The following HPR variants were observed in gnomAD, a reference collection of about 807,000 sequenced individuals.
HPR encodes the protein haptoglobin-related protein.
HPR carries 17 observed loss-of-function variants against 18.5 expected under a neutral mutation model. That is an observed-to-expected ratio of 0.92 (90% CI 0.63 to 1.38). The LOEUF (loss-of-function observed/expected upper bound fraction) is 1.38, where lower values mean the gene tolerates loss of function less well. HPR is among the 40% of genes most tolerant of loss of function. The pLI is 0.00. For synonymous variants in HPR, 176 were observed against 165.0 expected, an observed-to-expected ratio of 1.07 and a Z score of -0.51; for missense variants, 457 against 432.4, an observed-to-expected ratio of 1.06 and a Z score of -0.51.
intron 1 of HPR, 36 bp from the exon 2 acceptor site, chr16:72,073,856 A>C (rs1225511396): frequency 1.9e-6 from 3 of 1,613,208 alleles, no homozygotes; most frequent in Non-Finnish European, 2.5e-6. Context: ...AAGCAGGGAG[A>C]CCAGCTTTCC....
intron 1 of HPR, among the ~76,000 whole-genome samples, chr16:72,070,031 A>G (rs1414567069): frequency 6.6e-6 from 1 of 152,220 alleles, no homozygotes; most frequent in Non-Finnish European, 1.5e-5. Context: ...TAGACATAAA[A>G]TGGAAAAACC....
chr16:72,075,831 T>C (rs773011748), intron 4 of HPR, among the ~76,000 whole-genome samples: 8 of 150,214 alleles, frequency 5.3e-5, no homozygotes, highest in Admixed American at 2.0e-4. Flanking sequence ...TTTTCTTTCT[T>C]TCTTTTTTTT....
intron 4 of HPR, among the ~76,000 whole-genome samples, chr16:72,075,534 G>C (rs1473213853): frequency 6.6e-6 from 1 of 152,234 alleles, no homozygotes; most frequent in South Asian, 2.1e-4. Context: ...AAGCTCCAGG[G>C]AGAACAAGTC....
rs201950483 is a variant in HPR at position 72,076,695 on chromosome 16, G to C, written c.661G>C (p.Gly221Arg). 23 of 1,614,070 alleles carry C rather than the reference G, an allele frequency of 1.4e-5. No homozygotes were observed. Among genetic ancestry groups the C allele is most frequent in the Non-Finnish European group, 1.6e-5 (19 of 1,180,048 alleles). ...GAATTATGCAGAAGTAGGGCGTGTG[G>C]GTTACGTGTCTGGCTGGGGACAAAG... The part of the protein sequence containing the change: ...SKNYAEVGRV[G>R]YVSGWGQSDN... Residue 221 changes from glycine to arginine, a missense_variant, in exon 5 of 5, where the codon GGT (glycine) becomes CGT (arginine). Coordinates refer to ENST00000540303, the MANE Select transcript of HPR (RefSeq NM_020995.4).
At chr16:72,067,367 C>T (rs570201413) in intron 1 of HPR, among the ~76,000 whole-genome samples, 8 of 152,252 alleles carry the variant, frequency 5.3e-5, no homozygotes, top group South Asian at 2.1e-4. Flanking sequence ...GAAGGATTTA[C>T]GGTGAGAATC....
intron 1 of HPR, among the ~76,000 whole-genome samples, chr16:72,073,007 T>C (rs11075919): frequency 0.17 from 26,539 of 151,700 alleles, 2,635 homozygotes; most frequent in South Asian, 0.19. Context: ...TCGTTATCTA[T>C]AGAGCCCACA....
chr16:72,076,971 G>T lies in HPR; in HGVS notation c.937G>T (p.Ala313Ser). 1 of 1,614,208 alleles carries T rather than the reference G, an allele frequency of 6.2e-7. No individual in the cohort carries two copies. Among genetic ancestry groups the T allele is most frequent in the Non-Finnish European group, 8.5e-7 (1 of 1,180,056 alleles). Residue 313 changes from alanine (A) to serine (S), a missense_variant, in exon 5 of 5, where the codon GCG becomes TCG. Physicochemically the swap from Ala to Ser is moderately conservative, Grantham distance 99 (BLOSUM62 1). Transcript: ENST00000540303. ...VHDLEEDTWY[A>S]AGILSFDKSC... The stretch of plus-strand genomic sequence containing the variant: ...CGACCTGGAGGAGGACACCTGGTAC[G>T]CGGCTGGGATCCTAAGCTTTGATAA...
At chr16:72,074,692 C>T in intron 3 of HPR, 2 of 706,492 alleles carry the variant, frequency 2.8e-6, no homozygotes, top group South Asian at 3.0e-5. Context: ...GATGATGTCA[C>T]CCTCACCTAG....
In HPR at chr16:72,074,672, G is replaced by C. The variant is rs2144075555; in HGVS notation, c.193+287G>C. 5 of 707,886 alleles carry C rather than the reference G, an allele frequency of 7.1e-6. No homozygotes were observed. In the East Asian group the frequency reaches 1.3e-4, roughly 19 times the overall value. 43.9% of individuals were successfully genotyped at this position (707,886 alleles called of 1,614,324 possible). Reference sequence around the variant, plus strand: ...TCTCCAGCAGATGTGGGAAAAGAAGGAATGCTGATGATGATGTCACCCTCA... The same window carrying C: ...TCTCCAGCAGATGTGGGAAAAGAAGCAATGCTGATGATGATGTCACCCTCA... On this transcript the variant is annotated intron_variant, in intron 3 of 4. Coordinates refer to ENST00000540303, the MANE Select transcript of HPR (RefSeq NM_020995.4).
chr16:72,074,382 G>T lies in HPR; in HGVS notation c.190G>T (p.Asp64Tyr). Residue 64 changes from aspartate (D) to tyrosine (Y), a missense_variant, in exon 3 of 5, where the codon GAT becomes TAT. Asp to Tyr is a radical substitution (Grantham distance 160, BLOSUM62 -3). Coordinates refer to ENST00000540303, the MANE Select transcript of HPR (RefSeq NM_020995.4). The stretch of plus-strand genomic sequence containing the variant: ...CTACTACAGACTGCGCACAGAAGGA[G>T]ATGGTAAGACCTGGACAACTATCTC... ...KNYYRLRTEG[D>Y]GVYTLNDKKQ... 1 of 1,608,780 alleles carries T rather than the reference G, an allele frequency of 6.2e-7. No individual in the cohort carries two copies. Among genetic ancestry groups the T allele is most frequent in the Non-Finnish European group, 8.5e-7 (1 of 1,175,152 alleles).
At chr16:72,069,221 T>C (rs2041630060) in intron 1 of HPR, among the ~76,000 whole-genome samples, 1 of 152,148 alleles carries the variant, frequency 6.6e-6, no homozygotes, top group Non-Finnish European at 1.5e-5. Context: ...AAAGTTGGAC[T>C]GAATGTGGCC....
intron 1 of HPR, among the ~76,000 whole-genome samples, chr16:72,071,623 C>A (rs2041656550): frequency 6.6e-6 from 1 of 152,182 alleles, no homozygotes; most frequent in Admixed American, 6.5e-5. Flanking sequence ...TAATGGGATG[C>A]AGTGAGCTTA....
rs187620078 is a variant in HPR, at chr16:72,074,337, T to A, written c.145T>A (p.Phe49Ile). The change falls in exon 3 of 5, where the codon TTT becomes ATT. Residue 49 changes from phenylalanine (F) to isoleucine (I), a missense_variant. By Grantham distance (21) the Phe-to-Ile change is conservative. Coordinates refer to ENST00000540303, the MANE Select transcript of HPR (RefSeq NM_020995.4). Reference protein sequence around the residue: ...EIANGYVEHLFRYQCKNYYRL... With the variant: ...EIANGYVEHLIRYQCKNYYRL... ...TGCAAATGGCTATGTGGAGCACTTG[T>A]TTCGCTACCAGTGTAAGAACTACTA... 6.2e-7 allele frequency: 1 copy of A among 1,614,094 alleles called. No homozygotes were observed. The highest frequency in any genetic ancestry group is 2.2e-5 in the East Asian group (1 of 44,832).
chr16:72,074,293 T>G lies in HPR; in HGVS notation c.101T>G (p.Phe34Cys), dbSNP rs200255876. ...NDVTDISDDRFPKPPEIANGY... is the reference protein window; with the variant it reads ...NDVTDISDDRCPKPPEIANGY... ...TTCTCTCTCTTTGCAGATGACCGCT[T>G]CCCGAAGCCCCCTGAGATTGCAAAT... is the stretch of plus-strand genomic sequence containing the variant. The change falls in exon 3 of 5, where the codon TTC becomes TGC. Residue 34 changes from phenylalanine (F) to cysteine (C), a missense_variant. Phe to Cys is a radical substitution (Grantham distance 205). Transcript: ENST00000540303. 481 of 1,613,758 alleles carry G rather than the reference T, an allele frequency of 3.0e-4. 2 individuals are homozygous for G. Among genetic ancestry groups the G allele is most frequent in the South Asian group, 6.8e-4 (62 of 91,082 alleles).
chr16:72,075,920 C>G (rs1192816542), intron 4 of HPR, among the ~76,000 whole-genome samples: 1 of 151,458 alleles, frequency 6.6e-6, no homozygotes, highest in South Asian at 2.1e-4. Flanking sequence ...GGTGATCCAA[C>G]TGCCTCAGCC....
intron 1 of HPR, among the ~76,000 whole-genome samples, chr16:72,068,410 G>A (rs971535401): frequency 6.6e-6 from 1 of 152,090 alleles, no homozygotes; most frequent in Non-Finnish European, 1.5e-5. Context: ...TGCCGCTTAA[G>A]GATTAACTCA....
rs1052101295 is a variant in HPR at position 72,077,130 on chromosome 16, A to T, written c.*49A>T. 6 of 1,562,874 alleles carry T rather than the reference A, an allele frequency of 3.8e-6. No individual in the cohort carries two copies. The African/African-American group carries it at 8.2e-5, about 21-fold the overall frequency. On this transcript the variant is annotated 3_prime_UTR_variant, in exon 5 of 5. Transcript: ENST00000540303. ...GCCTGAAAGCAAGATTTCAGCCTGG[A>T]AGAGGGCAAAGTGGACGGGAGTGGA...
At chr16:72,064,720 C>A (rs1403107727) in intron 1 of HPR, among the ~76,000 whole-genome samples, 1 of 152,208 alleles carries the variant, frequency 6.6e-6, no homozygotes, top group African/African-American at 2.4e-5. Context: ...CTGAGAGACC[C>A]TTTGTCCTTT....
intron 1 of HPR, 163 bp from the exon 2 acceptor site, chr16:72,073,729 T>G: frequency 6.5e-7 from 1 of 1,536,440 alleles, no homozygotes; most frequent in Non-Finnish European, 8.7e-7. Flanking sequence ...AGCACTTCCA[T>G]ATATTGATTT....
Sources: allele counts gnomAD v4.1 joint callset (sites outside exome capture counted in the v4.1 genomes callset), GRCh38; gene constraint gnomAD v4.1.1; transcripts MANE v1.5; gene names NCBI Gene and HGNC (gene_info 2026-07-23, HGNC 2026-07-21).